CEP128: variants seen among roughly 807,000 people sequenced by gnomAD.
CEP128 encodes the protein centrosomal protein 128.
A neutral mutation model predicts 156.7 loss-of-function variants in CEP128; 132 were observed. That is an observed-to-expected ratio of 0.84 (90% CI 0.73 to 0.97). The LOEUF is 0.97. Ranked by LOEUF, CEP128 falls within the 50% of genes least tolerant of loss-of-function variation. The pLI, the probability that CEP128 is intolerant of heterozygous loss-of-function variation, is 0.00. For missense variants in CEP128, 1,252 were observed against 1,281.9 expected, an observed-to-expected ratio of 0.98 and a Z score of 0.36; for synonymous variants, 469 against 448.9, an observed-to-expected ratio of 1.04 and a Z score of -0.57.
intron 19 of CEP128, among the ~76,000 whole-genome samples, chr14:80,687,268 T>C (rs2139287283): frequency 6.6e-6 from 1 of 152,152 alleles, no homozygotes; most frequent in East Asian, 1.9e-4. Context: ...ACCAAGAAGA[T>C]TTATATGCTC....
At chr14:80,485,326 T>C (rs1887138386) in intron 14 of CEP128, among the ~76,000 whole-genome samples, 1 of 152,140 alleles carries the variant, frequency 6.6e-6, no homozygotes, top group African/African-American at 2.4e-5. Context: ...TGGGAGGGTC[T>C]TGGCTCTCTT....
At chr14:80,937,730 C>T (rs6574612) in intron 2 of CEP128, among the ~76,000 whole-genome samples, 34,599 of 151,946 alleles carry the variant, frequency 0.23, 4,208 homozygotes, top group South Asian at 0.32. Context: ...TACTTTATAT[C>T]AGAATCAACC....
chr14:80,833,867 A>C (rs1340386946), intron 12 of CEP128, among the ~76,000 whole-genome samples: 7 of 152,310 alleles, frequency 4.6e-5, no homozygotes, highest in Admixed American at 3.3e-4. Flanking sequence ...GAAACTAATT[A>C]TATGGAGGAG....
rs774777689 is a variant in CEP128, at chr14:80,785,126, T to G, written c.1980A>C (p.Ala660=). 5 of 1,614,172 alleles carry G rather than the reference T, an allele frequency of 3.1e-6. No individual in the cohort carries two copies. Among genetic ancestry groups the G allele is most frequent in the South Asian group, 1.1e-5 (1 of 91,084 alleles). ...TGAGGTCAGAAAGGTCCTTAAGCAC[T>G]GCTTTCTTGGCTCTCTCTTCCTCAG... The part of the protein sequence containing the change: ...KLAEEERAKK[A]VLKDLSDLTA... The change falls in exon 15 of 25, where the codon GCA becomes GCC. Residue 660 remains alanine, a synonymous_variant. Coordinates refer to ENST00000555265, the MANE Select transcript of CEP128 (RefSeq NM_152446.5).
chr14:80,687,108 C>T (rs1477121396), intron 19 of CEP128, among the ~76,000 whole-genome samples: 1 of 152,124 alleles, frequency 6.6e-6, no homozygotes, highest in Non-Finnish European at 1.5e-5. Flanking sequence ...CACCCAAAAA[C>T]AAGAGAATAA....
intron 19 of CEP128, among the ~76,000 whole-genome samples, chr14:80,738,475 T>A (rs1416542229): frequency 1.3e-5 from 2 of 152,158 alleles, no homozygotes; most frequent in East Asian, 3.8e-4. Flanking sequence ...ATCTATCACA[T>A]TAGATTAAAA....
At chr14:80,664,474 G>C (rs1895530377) in intron 19 of CEP128, among the ~76,000 whole-genome samples, 1 of 145,442 alleles carries the variant, frequency 6.9e-6, no homozygotes, top group African/African-American at 2.7e-5. Flanking sequence ...TCACAAAGCA[G>C]AGACAGAATA....
At chr14:80,940,548 G>A (rs557541097) in intron 1 of CEP128, among the ~76,000 whole-genome samples, 9 of 151,356 alleles carry the variant, frequency 5.9e-5, no homozygotes, top group Non-Finnish European at 1.3e-4. Flanking sequence ...GCATGGTGGC[G>A]AGTGCCTGTA....
At chr14:80,901,922 G>A (rs559961231) in intron 6 of CEP128, among the ~76,000 whole-genome samples, 1 of 152,188 alleles carries the variant, frequency 6.6e-6, no homozygotes, top group South Asian at 2.1e-4. Flanking sequence ...CCTGTTACAC[G>A]GCTCTACATA....
chr14:80,533,588 A>C (rs1247962991), intron 21 of CEP128, among the ~76,000 whole-genome samples: 2 of 152,106 alleles, frequency 1.3e-5, no homozygotes, highest in Non-Finnish European at 2.9e-5. Flanking sequence ...TCAAACGGCT[A>C]TGTTTTTGTG....
At chr14:80,853,318 G>A (rs1886987792) in intron 9 of CEP128, among the ~76,000 whole-genome samples, 1 of 150,904 alleles carries the variant, frequency 6.6e-6, no homozygotes, top group Non-Finnish European at 1.5e-5. Context: ...AAAAAAAAAA[G>A]AAAAGAATTA....
At chr14:80,639,828 G>A (rs1336807465) in intron 19 of CEP128, among the ~76,000 whole-genome samples, 1 of 152,110 alleles carries the variant, frequency 6.6e-6, no homozygotes, top group Non-Finnish European at 1.5e-5. Context: ...GAAGGAGTAA[G>A]AAGGTTGACT....
chr14:80,494,500 G>A (rs888964033), downstream of CEP128, among the ~76,000 whole-genome samples: 2 of 152,130 alleles, frequency 1.3e-5, no homozygotes, highest in Non-Finnish European at 2.9e-5. Flanking sequence ...AAAAGAGTTT[G>A]CTAAGTAAAT....
intron 13 of CEP128, among the ~76,000 whole-genome samples, chr14:80,825,458 A>G (rs1885420888): frequency 6.6e-6 from 1 of 152,220 alleles, no homozygotes; most frequent in South Asian, 2.1e-4. Context: ...TTACGGTTTC[A>G]GAAAACGAAG....
chr14:80,511,375 C>T, intron 23 of CEP128, among the ~76,000 whole-genome samples: 1 of 151,992 alleles, frequency 6.6e-6, no homozygotes. Flanking sequence ...TTTATCTAAG[C>T]TTTCCTATTT....
chr14:80,499,651 A>G (rs564393353), intron 24 of CEP128, among the ~76,000 whole-genome samples: 5 of 152,330 alleles, frequency 3.3e-5, no homozygotes, highest in African/African-American at 1.2e-4. Flanking sequence ...CAACTCCACA[A>G]AGATGAAACA....
intron 21 of CEP128, among the ~76,000 whole-genome samples, chr14:80,541,991 T>A (rs1410574772): frequency 2.6e-5 from 4 of 152,186 alleles, no homozygotes; most frequent in Non-Finnish European, 5.9e-5. Context: ...GTTGTAAGGA[T>A]CAAATACATT....
At chr14:80,914,558 T>C (rs1884438437) in intron 3 of CEP128, 150 bp from the exon 4 acceptor site, 1 of 585,974 alleles carries the variant, frequency 1.7e-6, no homozygotes, top group East Asian at 2.9e-5. Context: ...TTCACACATA[T>C]TAAGTAAATC....
At chr14:80,648,403 C>A (rs1894753553) in intron 19 of CEP128, among the ~76,000 whole-genome samples, 2 of 151,952 alleles carry the variant, frequency 1.3e-5, no homozygotes, top group Non-Finnish European at 1.5e-5. Flanking sequence ...CAAATCATAG[C>A]CTAAACTATG....
Sources: gnomAD v4.1 joint callset for allele counts (sites outside exome capture counted in the v4.1 genomes callset) on GRCh38, gnomAD v4.1.1 for gene constraint, MANE v1.5 for transcripts, NCBI Gene and HGNC (gene_info 2026-07-23, HGNC 2026-07-21) for gene names.